The following MLLT3 variants were observed in gnomAD, a reference collection of about 807,000 sequenced individuals.
The protein encoded by MLLT3 is MLLT3 super elongation complex subunit.
Under a neutral mutation model 53.2 loss-of-function variants are expected in MLLT3, and 4 were observed. The observed-to-expected ratio is 0.08, with a 90% confidence interval of 0.04 to 0.17. The LOEUF (loss-of-function observed/expected upper bound fraction) is 0.17, where lower values mean the gene tolerates loss of function less well. Ranked by LOEUF, MLLT3 falls within the 10% of genes least tolerant of loss-of-function variation. MLLT3 has a pLI of 1.00. For synonymous variants in MLLT3, 283 were observed against 230.6 expected (o/e 1.23, Z -2.06); for missense variants, 569 against 684.0 (o/e 0.83, Z 1.87).
At chr9:20,475,535 T>C (rs900331490) in intron 2 of MLLT3, among the ~76,000 whole-genome samples, 27 of 152,274 alleles carry the variant, frequency 1.8e-4, no homozygotes, top group African/African-American at 6.0e-4. Flanking sequence ...ATTAGGCAGC[T>C]GTATTGAAAT....
At chr9:20,421,687 C>T (rs545958595) in intron 4 of MLLT3, among the ~76,000 whole-genome samples, 19 of 152,136 alleles carry the variant, frequency 1.2e-4, no homozygotes, top group Non-Finnish European at 2.5e-4. Context: ...TCTACATTAA[C>T]TGAAAGAAGT....
chr9:20,491,350 A>G (rs949709584), intron 2 of MLLT3, among the ~76,000 whole-genome samples: 1 of 152,108 alleles, frequency 6.6e-6, no homozygotes, highest in South Asian at 2.1e-4. Flanking sequence ...TTTTTTCAAG[A>G]AAGAGAAAAA....
intron 2 of MLLT3, among the ~76,000 whole-genome samples, chr9:20,608,710 A>G (rs888157827): frequency 7.2e-5 from 11 of 152,010 alleles, no homozygotes; most frequent in African/African-American, 2.7e-4. Context: ...AGTCTTAATC[A>G]TGTTCCAAAT....
At chr9:20,374,132 C>T (rs1821690163) in intron 5 of MLLT3, among the ~76,000 whole-genome samples, 1 of 152,148 alleles carries the variant, frequency 6.6e-6, no homozygotes, top group Non-Finnish European at 1.5e-5. Flanking sequence ...CCTGTAATCC[C>T]AGCACTTTGG....
intron 2 of MLLT3, among the ~76,000 whole-genome samples, chr9:20,599,165 A>G (rs550853274): frequency 1.3e-5 from 2 of 152,178 alleles, no homozygotes; most frequent in East Asian, 1.9e-4. Context: ...TTAGCTGGGC[A>G]TGGTGGCACG....
chr9:20,570,294 A>G (rs527326396), intron 2 of MLLT3, among the ~76,000 whole-genome samples: 8 of 152,312 alleles, frequency 5.3e-5, no homozygotes, highest in Admixed American at 5.2e-4. Flanking sequence ...CAAGTCATAG[A>G]ATCTTAATTT....
intron 2 of MLLT3, among the ~76,000 whole-genome samples, chr9:20,542,070 T>C (rs1054140495): frequency 1.1e-4 from 16 of 152,186 alleles, no homozygotes; most frequent in African/African-American, 3.6e-4. Flanking sequence ...GCTGTTGCTT[T>C]ATGAAATATA....
Position 20,465,089 on chromosome 9 carries a change from T to G in MLLT3, c.194-8303A>C, listed in dbSNP as rs544489114. On this transcript the variant is annotated intron_variant, in intron 2 of 10. Coordinates refer to ENST00000380338, the MANE Select transcript of MLLT3 (RefSeq NM_004529.4). ...TTTCAGAGTTCCTAAACACAATGAA[T>G]GTGGACTAAGGAATACCAAAGCATA... 3.8e-4 allele frequency among the ~76,000 whole-genome samples: 58 copies of G among 152,146 alleles called. 1 individual carries two copies. The highest frequency in any genetic ancestry group is 1.2e-3 in the African/African-American group (50 of 41,546).
At chr9:20,425,046 C>G (rs1457249404) in intron 4 of MLLT3, among the ~76,000 whole-genome samples, 2 of 152,038 alleles carry the variant, frequency 1.3e-5, no homozygotes, top group African/African-American at 4.8e-5. Context: ...TGTTATCAAC[C>G]CTTACAACGT....
At chr9:20,546,883 A>T (rs1818802694) in intron 2 of MLLT3, among the ~76,000 whole-genome samples, 1 of 152,160 alleles carries the variant, frequency 6.6e-6, no homozygotes, top group Non-Finnish European at 1.5e-5. Flanking sequence ...TGCTACATAA[A>T]CTGCATGCCT....
At chr9:20,457,431 T>G (rs1239179379) in intron 2 of MLLT3, among the ~76,000 whole-genome samples, 2 of 151,794 alleles carry the variant, frequency 1.3e-5, no homozygotes, top group African/African-American at 4.8e-5. Context: ...GTATTTTTAG[T>G]AGAGATGGGG....
intron 2 of MLLT3, among the ~76,000 whole-genome samples, chr9:20,474,492 T>C (rs1225152433): frequency 6.6e-6 from 1 of 152,106 alleles, no homozygotes; most frequent in East Asian, 1.9e-4. Flanking sequence ...ATTCTGTTCC[T>C]ATACACGAGT....
intron 2 of MLLT3, among the ~76,000 whole-genome samples, chr9:20,539,617 C>T (rs551319178): frequency 6.6e-6 from 1 of 152,206 alleles, no homozygotes; most frequent in South Asian, 2.1e-4. Flanking sequence ...GGGGGAAATC[C>T]ACACCCATGA....
intron 10 of MLLT3, among the ~76,000 whole-genome samples, chr9:20,349,366 C>A (rs1438150235): frequency 2.6e-5 from 4 of 152,114 alleles, no homozygotes; most frequent in Non-Finnish European, 5.9e-5. Context: ...ATTATGATTA[C>A]CTTATAAACT....
chr9:20,571,546 C>T (rs1819533248), intron 2 of MLLT3, among the ~76,000 whole-genome samples: 1 of 152,074 alleles, frequency 6.6e-6, no homozygotes, highest in Non-Finnish European at 1.5e-5. Flanking sequence ...ACCCATCAAC[C>T]CATCTTCTAC....
chr9:20,484,296 T>C (rs1038147555), intron 2 of MLLT3, among the ~76,000 whole-genome samples: 2 of 152,146 alleles, frequency 1.3e-5, no homozygotes, highest in African/African-American at 4.8e-5. Flanking sequence ...AAAAGTATTA[T>C]CAGAAAACTG....
In MLLT3 at chr9:20,620,565, G is replaced by A. The variant is rs1382123745; in HGVS notation, c.193+89C>T. On this transcript the variant is annotated intron_variant, in intron 2 of 10. Coordinates refer to ENST00000380338, the MANE Select transcript of MLLT3 (RefSeq NM_004529.4). This position sits in a 1 kb window ranked among gnomAD's most constrained non-coding sequence, Gnocchi z 6.1. ...GCTACGCCGGCGAGCGCGGCGCGGG[G>A]GGCGGGGAGCGGGACAGCGGGACCG... 11 of 1,199,352 alleles carry A rather than the reference G, an allele frequency of 9.2e-6. No individual in the cohort carries two copies. Among genetic ancestry groups the A allele is most frequent in the East Asian group, 6.0e-5 (2 of 33,438 alleles). The allele number at this position is 1,199,352 out of a possible 1,614,324, so 74.3% of individuals were successfully genotyped here. A position where few individuals can be genotyped will look rare whatever the true frequency, so the allele number is the denominator to read the frequency against.
chr9:20,480,623 T>G (rs1277595121), intron 2 of MLLT3, among the ~76,000 whole-genome samples: 2 of 152,196 alleles, frequency 1.3e-5, no homozygotes, highest in Non-Finnish European at 2.9e-5. Context: ...GCTAGGCACT[T>G]CAGAGCAATT....
At chr9:20,427,036 G>A (rs1204865907) in intron 4 of MLLT3, among the ~76,000 whole-genome samples, 2 of 152,052 alleles carry the variant, frequency 1.3e-5, no homozygotes, top group African/African-American at 4.8e-5. Context: ...AAAATACTCT[G>A]AATTCAGGTC....
Sources: allele counts gnomAD v4.1 joint callset (sites outside exome capture counted in the v4.1 genomes callset), GRCh38; gene constraint gnomAD v4.1.1; non-coding constraint Gnocchi (gnomAD v3.1); transcripts MANE v1.5; gene names NCBI Gene and HGNC (gene_info 2026-07-23, HGNC 2026-07-21).